The following SYTL5 variants were observed in gnomAD, a reference collection of about 807,000 sequenced individuals.
SYTL5 encodes synaptotagmin like 5, also known as synaptotagmin-like protein 5.
Under a neutral mutation model 55.9 loss-of-function variants are expected in SYTL5, and 34 were observed. That is an observed-to-expected ratio of 0.61 (90% CI 0.46 to 0.81). The LOEUF is 0.81. Among genes scored for constraint, SYTL5 ranks in the 30% least tolerant of loss-of-function variants. The pLI, the probability that SYTL5 is intolerant of heterozygous loss-of-function variation, is 0.00. For synonymous variants in SYTL5, 221 were observed against 188.7 expected (o/e 1.17, Z -1.40); for missense variants, 637 against 546.7 (o/e 1.17, Z -1.65).
At chrX:38,036,615 C>G in intron 2 of SYTL5, among the ~76,000 whole-genome samples, 1 of 111,980 alleles carries the variant, frequency 8.9e-6, no homozygotes, top group Non-Finnish European at 1.9e-5. Context: ...TCATTTTGTT[C>G]TGAGTTCTTG....
the SYTL5 span, among the ~76,000 whole-genome samples, chrX:37,941,463 C>T: frequency 8.1e-5 from 9 of 111,662 alleles, no homozygotes; most frequent in Non-Finnish European, 1.7e-4. Flanking sequence ...TGGTGCCCTA[C>T]CATCCCTTCC....
intron 1 of SYTL5, among the ~76,000 whole-genome samples, chrX:38,023,596 T>C (rs1934640849): frequency 8.9e-6 from 1 of 111,848 alleles, no homozygotes; most frequent in Non-Finnish European, 1.9e-5. Flanking sequence ...TTGTCTATTT[T>C]CAGCTCGCAA....
chrX:37,977,748 G>A, the SYTL5 span, among the ~76,000 whole-genome samples: 5 of 89,608 alleles, frequency 5.6e-5, no homozygotes, highest in African/African-American at 8.2e-5. Context: ...ACACACACAC[G>A]AAGAGGGTAT....
chrX:37,899,511 G>A, the SYTL5 span, among the ~76,000 whole-genome samples: 1 of 112,215 alleles, frequency 8.9e-6, no homozygotes, highest in Non-Finnish European at 1.9e-5. Context: ...CCCTAAAGGT[G>A]CTAGATTCAG....
At chrX:37,981,768 GC>G in the SYTL5 span, among the ~76,000 whole-genome samples, 1 of 111,200 alleles carries the variant, frequency 9.0e-6, no homozygotes, top group Non-Finnish European at 1.9e-5. Context: ...GAAAAAGAGA[GC>G]TCTGCCCAAA....
the SYTL5 span, among the ~76,000 whole-genome samples, chrX:37,927,854 C>T: frequency 8.1e-5 from 9 of 111,381 alleles, no homozygotes; most frequent in Non-Finnish European, 1.7e-4. Context: ...TGTACTTGCC[C>T]TGGATTCTAC....
chrX:38,109,787 G>C (rs1216203588), intron 12 of SYTL5, among the ~76,000 whole-genome samples: 1 of 110,204 alleles, frequency 9.1e-6, no homozygotes, highest in Middle Eastern at 4.2e-3. Context: ...CAAAAAAAAT[G>C]CTAGCCCAGC....
At chrX:37,987,211 A>G in the SYTL5 span, among the ~76,000 whole-genome samples, 2 of 112,037 alleles carry the variant, frequency 1.8e-5, no homozygotes, top group Non-Finnish European at 3.8e-5. Flanking sequence ...AACATTTTAA[A>G]TGTGAATAAG....
chrX:37,926,895 G>C, the SYTL5 span, among the ~76,000 whole-genome samples: 1 of 111,838 alleles, frequency 8.9e-6, no homozygotes, highest in African/African-American at 3.2e-5. Context: ...TCACCAGTAG[G>C]TGCCAGTATT....
chrX:37,946,594 C>T, the SYTL5 span: 21 of 143,305 alleles, frequency 1.5e-4, no homozygotes, highest in South Asian at 3.0e-3. Context: ...TTATGATATT[C>T]CTCTCAAACC....
chrX:38,059,053 C>T (rs1935868240), intron 3 of SYTL5, among the ~76,000 whole-genome samples: 1 of 111,363 alleles, frequency 9.0e-6, no homozygotes, highest in Admixed American at 9.5e-5. Flanking sequence ...ATGAATCCTG[C>T]CTTTGTGTCT....
chrX:38,002,582 T>C (rs139727007), upstream of SYTL5, among the ~76,000 whole-genome samples: 10,462 of 111,751 alleles, frequency 0.094, 851 homozygotes, highest in African/African-American at 0.24. Flanking sequence ...TGGTATCTCA[T>C]TGTGGTTTTG....
upstream of SYTL5, among the ~76,000 whole-genome samples, chrX:38,003,309 C>T (rs755996470): frequency 2.2e-3 from 250 of 111,639 alleles, 1 homozygote; most frequent in Admixed American, 6.5e-3. Context: ...CGTGATACCT[C>T]CAGTGTTGTT....
intron 3 of SYTL5, among the ~76,000 whole-genome samples, chrX:38,057,521 TG>T (rs1430165614): frequency 8.2e-4 from 92 of 111,794 alleles, no homozygotes; most frequent in African/African-American, 2.6e-3. Flanking sequence ...ATTTTAAGAT[TG>T]TTTTTTGCAG....
At chrX:38,028,254 C>T (rs1168515737) in intron 1 of SYTL5, among the ~76,000 whole-genome samples, 1 of 112,021 alleles carries the variant, frequency 8.9e-6, no homozygotes. Context: ...GTCAGTTTTC[C>T]CAAGGGGCTT....
chrX:37,989,965 C>T, the SYTL5 span, among the ~76,000 whole-genome samples: 3 of 110,948 alleles, frequency 2.7e-5, no homozygotes, highest in Admixed American at 2.9e-4. Flanking sequence ...CTCCACTTCC[C>T]GGGTTCACAC....
At chrX:37,942,571 G>C in the SYTL5 span, among the ~76,000 whole-genome samples, 1 of 111,780 alleles carries the variant, frequency 8.9e-6, no homozygotes, top group South Asian at 3.7e-4. Flanking sequence ...ACCATTCTCT[G>C]CTAAGCTCTT....
Position 38,096,880 on chromosome X carries a change from T to C in SYTL5, c.1062+646T>C, listed in dbSNP as rs185712830. Among the ~76,000 whole-genome samples, 589 of 111,183 alleles carry C rather than the reference T, an allele frequency of 5.3e-3. 3 individuals are homozygous for C. The highest frequency in any genetic ancestry group is 0.02 in the Middle Eastern group (4 of 203). On this transcript the variant is annotated intron_variant, in intron 9 of 16. Coordinates refer to ENST00000297875, the MANE Select transcript of SYTL5 (RefSeq NM_138780.3). ...TAATATTTTCTATAGTACAAAAAAC[T>C]GGGAAAATACTTTAAAATCTACCTC...
At chrX:38,016,070 C>T (rs2147117517) in intron 1 of SYTL5, among the ~76,000 whole-genome samples, 1 of 111,625 alleles carries the variant, frequency 9.0e-6, no homozygotes, top group African/African-American at 3.3e-5. Context: ...GATAGGAATG[C>T]TCACTTTAAG....
Sources: allele counts gnomAD v4.1 joint callset (sites outside exome capture counted in the v4.1 genomes callset), GRCh38; gene constraint gnomAD v4.1.1; transcripts MANE v1.5; gene names NCBI Gene and HGNC (gene_info 2026-07-23, HGNC 2026-07-21).